The following RGS17 variants were observed in gnomAD, a reference collection of about 807,000 sequenced individuals.
The protein encoded by RGS17 is regulator of G protein signaling 17, also known as regulator of G-protein signaling 17.
In RGS17, 12 loss-of-function variants were observed where a neutral mutation model predicts 25.5. The ratio of observed to expected loss-of-function variants is 0.47; its 90% CI spans 0.30 to 0.76. The LOEUF (loss-of-function observed/expected upper bound fraction) is 0.76, where lower values mean the gene tolerates loss of function less well. Ranked by LOEUF, RGS17 falls within the 30% of genes least tolerant of loss-of-function variation. RGS17 has a pLI of 0.07. For missense variants in RGS17, 196 were observed against 242.2 expected (o/e 0.81, Z 1.27); for synonymous variants, 71 against 76.9 (o/e 0.92, Z 0.40).
At chr6:153,071,736 A>G (rs1286330511) in intron 1 of RGS17, among the ~76,000 whole-genome samples, 1 of 152,168 alleles carries the variant, frequency 6.6e-6, no homozygotes, top group Non-Finnish European at 1.5e-5. Context: ...CACAGATTAC[A>G]TATTGAGTAG....
intron 1 of RGS17, among the ~76,000 whole-genome samples, chr6:153,077,896 C>CA (rs1776908158): frequency 6.7e-6 from 1 of 148,422 alleles, no homozygotes; most frequent in African/African-American, 2.5e-5. Context: ...TTTTTTGAGA[C>CA]AGAGACTCGC....
At position 153,011,042 on chromosome 6, in the gene RGS17, A is replaced by C. The variant is rs1050577742; in HGVS notation, c.*532T>G. 6.6e-6 allele frequency: 1 copy of C among 152,492 alleles called. No homozygotes were observed. The highest frequency in any genetic ancestry group is 2.4e-5 in the African/African-American group (1 of 41,434). The allele number at this position is 152,492 out of a possible 1,614,324, so 9.4% of individuals were successfully genotyped here. Reference sequence around the variant, plus strand: ...TCATGTACAGAAATATTGGCTTCAAAATTAGTGTACTAAACACAGTATATA... The same window carrying C: ...TCATGTACAGAAATATTGGCTTCAACATTAGTGTACTAAACACAGTATATA... On this transcript the variant is annotated 3_prime_UTR_variant, in exon 5 of 5. Coordinates refer to ENST00000206262, the MANE Select transcript of RGS17 (RefSeq NM_012419.5).
chr6:153,085,752 C>T (rs1229935502), intron 1 of RGS17, among the ~76,000 whole-genome samples: 1 of 152,132 alleles, frequency 6.6e-6, no homozygotes, highest in Non-Finnish European at 1.5e-5. Context: ...TCCTTCATTA[C>T]TCTTACATTT....
chr6:153,069,347 G>A (rs1174207320), intron 1 of RGS17, among the ~76,000 whole-genome samples: 1 of 152,064 alleles, frequency 6.6e-6, no homozygotes, highest in Non-Finnish European at 1.5e-5. Flanking sequence ...AATAAGCCAG[G>A]TACAGAAAGA....
chr6:153,121,290 C>A (rs907497338), intron 1 of RGS17, among the ~76,000 whole-genome samples: 1 of 152,152 alleles, frequency 6.6e-6, no homozygotes, highest in Non-Finnish European at 1.5e-5. Flanking sequence ...TGCTGCCTCT[C>A]TCTAACATAA....
chr6:153,108,305 T>C (rs1008447948), intron 1 of RGS17, among the ~76,000 whole-genome samples: 2 of 152,224 alleles, frequency 1.3e-5, no homozygotes, highest in African/African-American at 4.8e-5. Context: ...TTAAATGTGA[T>C]CTAAATGTTC....
At chr6:153,059,552 T>G (rs1776607857) in intron 1 of RGS17, among the ~76,000 whole-genome samples, 1 of 152,210 alleles carries the variant, frequency 6.6e-6, no homozygotes, top group African/African-American at 2.4e-5. Flanking sequence ...TCACTTAACC[T>G]CTGCCTTTGT....
intron 1 of RGS17, among the ~76,000 whole-genome samples, chr6:153,108,472 G>C (rs752817539): frequency 6.6e-6 from 1 of 151,966 alleles, no homozygotes; most frequent in South Asian, 2.1e-4. Flanking sequence ...TTCCTGGAGG[G>C]AAGTCAGATT....
At chr6:153,075,171 T>A (rs1010636580) in intron 1 of RGS17, among the ~76,000 whole-genome samples, 6 of 152,202 alleles carry the variant, frequency 3.9e-5, no homozygotes, top group African/African-American at 1.4e-4. Flanking sequence ...GAAACTTTTG[T>A]TTAAACTTTT....
chr6:153,066,001 T>A lies in RGS17; in HGVS notation c.-25-21958A>T, dbSNP rs544691860. Among the ~76,000 whole-genome samples, 13 of 152,156 alleles carry A rather than the reference T, an allele frequency of 8.5e-5. No homozygotes were observed. In the South Asian group the frequency reaches 2.7e-3, roughly 32 times the overall value. On this transcript the variant is annotated intron_variant, in intron 1 of 4. Transcript: ENST00000206262. ...AGATCACTGAAACAAAAATTTGGTT[T>A]CTTGAAAAGTTAAACAAAATAGGAA...
intron 1 of RGS17, among the ~76,000 whole-genome samples, chr6:153,054,680 A>G (rs988513104): frequency 4.6e-5 from 7 of 151,082 alleles, no homozygotes; most frequent in Non-Finnish European, 1.0e-4. Context: ...TAAATAAATA[A>G]ATAAATAAAT....
chr6:153,117,698 T>A (rs771685156), intron 1 of RGS17, among the ~76,000 whole-genome samples: 7 of 152,206 alleles, frequency 4.6e-5, no homozygotes, highest in African/African-American at 9.7e-5. Flanking sequence ...AATTATCATC[T>A]TCTTCTCAGC....
At chr6:153,047,172 T>C (rs963450223) in intron 1 of RGS17, among the ~76,000 whole-genome samples, 3 of 152,038 alleles carry the variant, frequency 2.0e-5, no homozygotes, top group African/African-American at 7.2e-5. Context: ...ACTCACTGAG[T>C]TGATTACTCA....
chr6:153,056,688 T>G (rs1344062168), intron 1 of RGS17, among the ~76,000 whole-genome samples: 1 of 152,162 alleles, frequency 6.6e-6, no homozygotes, highest in East Asian at 1.9e-4. Context: ...AAAATACAGC[T>G]GGGAGTGAGA....
chr6:153,020,139 T>TATATATATA (rs1491540636), intron 4 of RGS17, among the ~76,000 whole-genome samples: 4 of 22,538 alleles, frequency 1.8e-4, no homozygotes, highest in South Asian at 2.8e-3. Context: ...TATATATATA[T>TATATATATA]TTTTTTTTTT....
intron 4 of RGS17, among the ~76,000 whole-genome samples, chr6:153,016,506 T>C (rs1370714731): frequency 6.6e-6 from 1 of 152,178 alleles, no homozygotes; most frequent in Non-Finnish European, 1.5e-5. Flanking sequence ...AAAAGTTTCT[T>C]CTCAGTAGAA....
chr6:153,127,110 T>C (rs969215259), intron 1 of RGS17, among the ~76,000 whole-genome samples: 2 of 152,122 alleles, frequency 1.3e-5, no homozygotes, highest in Admixed American at 6.6e-5. Flanking sequence ...ATTCCTTGCA[T>C]GCGCAGCTCA....
intron 1 of RGS17, among the ~76,000 whole-genome samples, chr6:153,070,888 T>C (rs1009395810): frequency 2.7e-5 from 4 of 150,342 alleles, no homozygotes; most frequent in Middle Eastern, 3.6e-3. Context: ...TATACGCATA[T>C]GTACATATGC....
At chr6:153,082,020 CT>C (rs2129119518) in intron 1 of RGS17, among the ~76,000 whole-genome samples, 1 of 152,174 alleles carries the variant, frequency 6.6e-6, no homozygotes, top group Non-Finnish European at 1.5e-5. Context: ...ATAAAGATTC[CT>C]GGTTGTTTCT....
Sources: allele counts gnomAD v4.1 joint callset (sites outside exome capture counted in the v4.1 genomes callset), GRCh38; gene constraint gnomAD v4.1.1; transcripts MANE v1.5; gene names NCBI Gene and HGNC (gene_info 2026-07-23, HGNC 2026-07-21).